The following FOCAD variants were observed in gnomAD, a reference collection of about 807,000 sequenced individuals.
FOCAD encodes the protein focadhesin.
In FOCAD, 198 loss-of-function variants were observed where a neutral mutation model predicts 225.6. The ratio of observed to expected loss-of-function variants is 0.88; its 90% CI spans 0.78 to 0.99. The LOEUF is 0.99. Ranked by LOEUF, FOCAD falls within the 50% of genes least tolerant of loss-of-function variation. The probability of loss-of-function intolerance (pLI) is 0.00; values close to 1 mark genes in which losing one functional copy is unlikely to be tolerated. For synonymous variants in FOCAD, 897 were observed against 755.0 expected (o/e 1.19, Z -3.08); for missense variants, 2,713 against 2,123.6 (o/e 1.28, Z -5.46).
chr9:20,743,977 G>A (rs1827836513), intron 5 of FOCAD, among the ~76,000 whole-genome samples: 1 of 152,156 alleles, frequency 6.6e-6, no homozygotes, highest in Admixed American at 6.6e-5. Flanking sequence ...ACATGTGTCA[G>A]TCATGGACAA....
At position 20,664,850 on chromosome 9, in the gene FOCAD, C is replaced by G. The variant is rs181108437; in HGVS notation, c.-78+6024C>G. Among the ~76,000 whole-genome samples the G allele has an allele frequency of 1.6e-4, 25 of 152,034 alleles. No homozygotes were observed. In the East Asian group the frequency reaches 4.6e-3, roughly 28 times the overall value. On this transcript the variant is annotated intron_variant, in intron 2 of 45. Transcript: ENST00000380249. ...GTGTCAAAGCTTATTAAATTGTATA[C>G]TTTAAATACATAAAGTTTAATGTAT...
intron 11 of FOCAD, among the ~76,000 whole-genome samples, chr9:20,795,458 A>G (rs1485895085): frequency 6.6e-6 from 1 of 152,170 alleles, no homozygotes; most frequent in Non-Finnish European, 1.5e-5. Context: ...TTAAATGATG[A>G]AAACAAAAAG....
chr9:20,735,239 T>C (rs1827049893), intron 4 of FOCAD, among the ~76,000 whole-genome samples: 1 of 152,194 alleles, frequency 6.6e-6, no homozygotes, highest in Non-Finnish European at 1.5e-5. Flanking sequence ...CTCTTAACTT[T>C]GTTTTCACTC....
At chr9:20,898,953 A>AT (rs1338644731) in intron 21 of FOCAD, among the ~76,000 whole-genome samples, 2 of 151,702 alleles carry the variant, frequency 1.3e-5, no homozygotes, top group Admixed American at 6.6e-5. Flanking sequence ...CAGGATTTGG[A>AT]TTTTTTTCTC....
intron 29 of FOCAD, 79 bp downstream of exon 29, chr9:20,944,853 T>A: frequency 7.1e-7 from 1 of 1,402,898 alleles, no homozygotes; most frequent in Non-Finnish European, 9.6e-7. Flanking sequence ...ACTTACCATA[T>A]TTTGGTAACC....
At chr9:20,950,521 G>A (rs1378064980) in intron 33 of FOCAD, among the ~76,000 whole-genome samples, 1 of 152,032 alleles carries the variant, frequency 6.6e-6, no homozygotes, top group African/African-American at 2.4e-5. Context: ...CATAATGTGG[G>A]AGAAAAAATC....
chr9:20,715,226 A>G, intron 1 of FOCAD, 96 bp from the exon 2 acceptor site: 1 of 473,030 alleles, frequency 2.1e-6, no homozygotes, highest in South Asian at 6.9e-5. Flanking sequence ...TTATCTTTGG[A>G]ATGGATTACA....
upstream of FOCAD, among the ~76,000 whole-genome samples, chr9:20,656,699 AC>A (rs1821486843): frequency 6.6e-6 from 1 of 152,068 alleles, no homozygotes; most frequent in Admixed American, 6.5e-5. Context: ...TTTCCTGAAT[AC>A]AGCACACTGA....
At chr9:20,727,840 G>A (rs1344868942) in intron 4 of FOCAD, among the ~76,000 whole-genome samples, 1 of 152,200 alleles carries the variant, frequency 6.6e-6, no homozygotes, top group Non-Finnish European at 1.5e-5. Flanking sequence ...GGGATGTTAT[G>A]TCATTCTCTT....
intron 5 of FOCAD, among the ~76,000 whole-genome samples, chr9:20,746,366 A>T (rs1277990483): frequency 6.6e-6 from 1 of 152,158 alleles, no homozygotes; most frequent in Non-Finnish European, 1.5e-5. Flanking sequence ...AGGCCGGGAC[A>T]TTGGCTCAGG....
Position 20,993,309 on chromosome 9 carries a change from G to A in FOCAD, c.5313G>A (p.Gln1771=). Residue 1771 remains glutamine, a synonymous_variant, in exon 43 of 44, where the codon CAG becomes CAA. Transcript: ENST00000338382. ...MESPKEALSA[Q]SRDLLKATLL... ...GCCCTAAAGAAGCCCTCTCAGCACAGTCCAGGGATCTTTTGAAAGGTATTA... is the reference window on the plus strand; with the variant it reads ...GCCCTAAAGAAGCCCTCTCAGCACAATCCAGGGATCTTTTGAAAGGTATTA... 2 of 1,613,762 alleles carry A rather than the reference G, an allele frequency of 1.2e-6. No homozygotes were observed. The highest frequency in any genetic ancestry group is 8.5e-7 in the Non-Finnish European group (1 of 1,179,742).
intron 8 of FOCAD, among the ~76,000 whole-genome samples, chr9:20,772,191 A>G (rs559665135): frequency 9.8e-5 from 15 of 152,294 alleles, no homozygotes; most frequent in Middle Eastern, 3.4e-3. Context: ...GGGCTACTGG[A>G]TGATGCCATT....
At chr9:20,942,805 C>T (rs1469597357) in intron 28 of FOCAD, among the ~76,000 whole-genome samples, 3 of 152,088 alleles carry the variant, frequency 2.0e-5, no homozygotes, top group Non-Finnish European at 4.4e-5. Flanking sequence ...TCAACCAATA[C>T]CCCAAATAAT....
chr9:20,804,589 G>A (rs1822206459), intron 11 of FOCAD, among the ~76,000 whole-genome samples: 1 of 151,638 alleles, frequency 6.6e-6, no homozygotes, highest in Admixed American at 6.5e-5. Flanking sequence ...CTTCTAATCG[G>A]ATGAATTGTC....
chr9:20,816,799 AAAT>A (rs1056574586), intron 11 of FOCAD, among the ~76,000 whole-genome samples: 1 of 152,178 alleles, frequency 6.6e-6, no homozygotes, highest in African/African-American at 2.4e-5. Context: ...AAGAAAATAA[AAAT>A]AAGAATTTAG....
intron 15 of FOCAD, among the ~76,000 whole-genome samples, chr9:20,832,208 G>T (rs1011506747): frequency 2.0e-5 from 3 of 151,874 alleles, no homozygotes; most frequent in Non-Finnish European, 2.9e-5. Flanking sequence ...TCTAAGAGTG[G>T]AATTGCTGGA....
At chr9:20,890,844 T>C (rs1023820911) in intron 21 of FOCAD, among the ~76,000 whole-genome samples, 1 of 122,716 alleles carries the variant, frequency 8.1e-6, no homozygotes, top group Non-Finnish European at 1.7e-5. Context: ...TTCCATTTAT[T>C]TAGTATACAT....
chr9:20,690,264 ATC>A (rs554577590), intron 1 of FOCAD, among the ~76,000 whole-genome samples: 4 of 152,310 alleles, frequency 2.6e-5, no homozygotes, highest in Admixed American at 1.3e-4. Context: ...TGGCTCCAGC[ATC>A]TCTCTCTCTG....
At chr9:20,949,824 T>C in intron 33 of FOCAD, 149 bp downstream of exon 33, 1 of 602,136 alleles carries the variant, frequency 1.7e-6, no homozygotes, top group Non-Finnish European at 2.9e-6. Context: ...GGGAGTGATG[T>C]GTGGACCTGT....
Sources: allele counts gnomAD v4.1 joint callset (sites outside exome capture counted in the v4.1 genomes callset), GRCh38; gene constraint gnomAD v4.1.1; transcripts MANE v1.5; gene names NCBI Gene and HGNC (gene_info 2026-07-23, HGNC 2026-07-21).